The following RORA variants were observed in gnomAD, a reference collection of about 807,000 sequenced individuals.
The protein encoded by RORA is RAR related orphan receptor A.
A neutral mutation model predicts 69.5 loss-of-function variants in RORA; 7 were observed. That is an observed-to-expected ratio of 0.10 (90% CI 0.06 to 0.19). RORA has a LOEUF of 0.19. RORA is among the 10% of genes least tolerant of loss of function. RORA has a pLI of 1.00. For missense variants in RORA, 457 were observed against 663.0 expected (o/e 0.69, Z 3.41); for synonymous variants, 261 against 240.8 (o/e 1.08, Z -0.78).
intron 7 of RORA, 31 bp from the exon 8 acceptor site, chr15:60,502,898 TTGGGTCATC>T: frequency 7.1e-7 from 1 of 1,398,904 alleles, no homozygotes; most frequent in Non-Finnish European, 1.0e-6. Flanking sequence ...TTTGGGTCAT[TTGGGTCATC>T]TGATGTTAGT....
chr15:61,164,480 G>A (rs142330454), intron 1 of RORA, among the ~76,000 whole-genome samples: 16 of 152,240 alleles, frequency 1.1e-4, no homozygotes, highest in East Asian at 1.9e-4. Context: ...AACCATTGCC[G>A]TATACAGGTC....
intron 1 of RORA, among the ~76,000 whole-genome samples, chr15:61,149,093 A>C (rs914361834): frequency 7.9e-5 from 12 of 152,186 alleles, no homozygotes; most frequent in African/African-American, 1.9e-4. Context: ...ACGTAATCAA[A>C]TGTGAGCCAG....
rs904234626 is a variant in RORA, at chr15:60,671,681, G to A, written c.196+6976C>T. ...GGCTGGAGTGCAGTGGCGTGATCTC[G>A]GCTCACTGCAACCTCTGCCTCCCGG... is the stretch of plus-strand genomic sequence containing the variant. On this transcript the variant is annotated intron_variant, in intron 2 of 10. Transcript: ENST00000335670. Among the ~76,000 whole-genome samples the A allele has an allele frequency of 4.0e-5, 6 of 151,570 alleles. No individual in the cohort carries two copies. The South Asian group carries it at 6.3e-4, about 16-fold the overall frequency.
At chr15:60,943,154 T>G (rs963544495) in intron 1 of RORA, among the ~76,000 whole-genome samples, 1 of 152,222 alleles carries the variant, frequency 6.6e-6, no homozygotes, top group Non-Finnish European at 1.5e-5. Flanking sequence ...ATTTTGAGAC[T>G]TGGCCCTTCA....
intron 1 of RORA, among the ~76,000 whole-genome samples, chr15:61,185,139 T>C (rs1290569078): frequency 1.3e-5 from 2 of 152,140 alleles, no homozygotes; most frequent in Non-Finnish European, 2.9e-5. Flanking sequence ...CAAAGCTGTT[T>C]CGCAGGTCCT....
At chr15:60,876,050 G>A (rs1319508834) in intron 1 of RORA, among the ~76,000 whole-genome samples, 1 of 152,094 alleles carries the variant, frequency 6.6e-6, no homozygotes, top group Non-Finnish European at 1.5e-5. Flanking sequence ...TATCCTCAAG[G>A]AAAGAGAAAA....
At chr15:60,559,810 A>G (rs1230132772) in intron 2 of RORA, among the ~76,000 whole-genome samples, 1 of 152,246 alleles carries the variant, frequency 6.6e-6, no homozygotes, top group East Asian at 1.9e-4. Flanking sequence ...GATATGTTAC[A>G]AGACATGGCA....
At chr15:61,209,675 A>G (rs1429902356) in intron 1 of RORA, among the ~76,000 whole-genome samples, 1 of 152,238 alleles carries the variant, frequency 6.6e-6, no homozygotes, top group East Asian at 1.9e-4. Context: ...TAGCAGCCTG[A>G]GCTAACTAAG....
At chr15:61,142,278 C>G (rs1274853777) in intron 1 of RORA, among the ~76,000 whole-genome samples, 3 of 152,168 alleles carry the variant, frequency 2.0e-5, no homozygotes. Context: ...GCTCCTCTGG[C>G]ATCTCTCAAT....
intron 1 of RORA, among the ~76,000 whole-genome samples, chr15:60,902,001 G>A (rs1042886846): frequency 2.0e-5 from 3 of 152,174 alleles, no homozygotes; most frequent in Admixed American, 6.5e-5. Flanking sequence ...GGGTGCCTCA[G>A]CTCACACCTT....
At chr15:60,968,458 G>C (rs569646325) in intron 1 of RORA, among the ~76,000 whole-genome samples, 2 of 152,240 alleles carry the variant, frequency 1.3e-5, no homozygotes, top group Admixed American at 6.5e-5. Context: ...CTGGTTTGGG[G>C]ACCATACTTT....
intron 1 of RORA, among the ~76,000 whole-genome samples, chr15:61,167,834 CA>C (rs2079551320): frequency 2.6e-5 from 4 of 152,224 alleles, no homozygotes; most frequent in Admixed American, 2.6e-4. Context: ...CCACCCCACC[CA>C]CCACTCTCCT....
intron 1 of RORA, among the ~76,000 whole-genome samples, chr15:61,162,974 C>T (rs1273707060): frequency 2.6e-5 from 4 of 152,152 alleles, no homozygotes; most frequent in African/African-American, 7.2e-5. Context: ...CTCAGCAGAA[C>T]GATTCATAAG....
chr15:60,965,152 G>C (rs375600167), intron 1 of RORA, among the ~76,000 whole-genome samples: 1 of 152,162 alleles, frequency 6.6e-6, no homozygotes, highest in Non-Finnish European at 1.5e-5. Flanking sequence ...AACAGGACTA[G>C]GGTATTATGG....
rs1197333214 is a variant in RORA at position 60,516,183 on chromosome 15, ATT to A, written c.283-1428_283-1427del. 6.7e-3 allele frequency among the ~76,000 whole-genome samples: 179 copies of A among 26,578 alleles called. 7 individuals are homozygous for A. The highest frequency in any genetic ancestry group is 0.036 in the African/African-American group (167 of 4,660). 17.4% of individuals were successfully genotyped at this position (26,578 alleles called of 152,430 possible). On this transcript the variant is annotated intron_variant, in intron 3 of 10. Transcript: ENST00000335670. The stretch of plus-strand genomic sequence containing the variant: ...TATTTATATATATATTTATATATAT[ATT>A]TATATATATATTTATATATATATTT...
intron 1 of RORA, among the ~76,000 whole-genome samples, chr15:61,201,846 G>C (rs1008686601): frequency 1.3e-5 from 2 of 152,096 alleles, no homozygotes; most frequent in African/African-American, 4.8e-5. Context: ...TTTTGCAAGG[G>C]TATGATATTA....
intron 1 of RORA, among the ~76,000 whole-genome samples, chr15:60,881,308 A>AGAAG (rs2073677633): frequency 6.6e-6 from 1 of 152,148 alleles, no homozygotes; most frequent in African/African-American, 2.4e-5. Context: ...CCCACTAGAG[A>AGAAG]GAGACCCTCA....
intron 1 of RORA, among the ~76,000 whole-genome samples, chr15:61,069,835 T>G (rs1005638450): frequency 2.6e-5 from 4 of 152,172 alleles, no homozygotes; most frequent in African/African-American, 9.7e-5. Context: ...AACGAACTCC[T>G]CCACCTCCTG....
intron 1 of RORA, among the ~76,000 whole-genome samples, chr15:61,185,492 T>C (rs1271336625): frequency 6.6e-6 from 1 of 152,222 alleles, no homozygotes; most frequent in African/African-American, 2.4e-5. Flanking sequence ...TTTCCTTGAT[T>C]GCCCCGACAT....
Sources: gnomAD v4.1 joint callset for allele counts (sites outside exome capture counted in the v4.1 genomes callset) on GRCh38, gnomAD v4.1.1 for gene constraint, MANE v1.5 for transcripts, NCBI Gene and HGNC (gene_info 2026-07-23, HGNC 2026-07-21) for gene names.